The following SSBP2 variants were observed in gnomAD, a reference collection of about 807,000 sequenced individuals.
SSBP2 encodes single stranded DNA binding protein 2.
A neutral mutation model predicts 61.8 loss-of-function variants in SSBP2; 17 were observed. The ratio of observed to expected loss-of-function variants is 0.28; its 90% CI spans 0.19 to 0.41. The LOEUF (loss-of-function observed/expected upper bound fraction) is 0.41, where lower values mean the gene tolerates loss of function less well. SSBP2 is among the 10% of genes least tolerant of loss of function. The pLI is 1.00. For missense variants in SSBP2, 310 were observed against 458.7 expected, an observed-to-expected ratio of 0.68 and a Z score of 2.96; for synonymous variants, 139 against 141.3, an observed-to-expected ratio of 0.98 and a Z score of 0.12.
intron 4 of SSBP2, among the ~76,000 whole-genome samples, chr5:81,599,549 T>C (rs1038934299): frequency 3.9e-5 from 6 of 152,210 alleles, no homozygotes; most frequent in Non-Finnish European, 8.8e-5. Context: ...CTGATTGAGA[T>C]TGATTTTCCT....
chr5:81,649,791 A>G (rs558939355), intron 2 of SSBP2, among the ~76,000 whole-genome samples: 1 of 152,114 alleles, frequency 6.6e-6, no homozygotes, highest in Non-Finnish European at 1.5e-5. Flanking sequence ...ATTAAAAAAA[A>G]AAAGAAAGAA....
intron 16 of SSBP2, among the ~76,000 whole-genome samples, chr5:81,425,904 A>G (rs1185922191): frequency 1.3e-5 from 2 of 152,228 alleles, no homozygotes; most frequent in South Asian, 2.1e-4. Flanking sequence ...AGAGTACTCA[A>G]TAGATACTTG....
At chr5:81,486,965 A>T (rs966316408) in intron 6 of SSBP2, among the ~76,000 whole-genome samples, 2 of 152,234 alleles carry the variant, frequency 1.3e-5, no homozygotes, top group African/African-American at 4.8e-5. Flanking sequence ...CAGCAGATTG[A>T]GACACCTCAA....
intron 1 of SSBP2, among the ~76,000 whole-genome samples, chr5:81,683,322 G>A (rs1248609449): frequency 6.6e-6 from 1 of 152,066 alleles, no homozygotes; most frequent in Non-Finnish European, 1.5e-5. Context: ...CCCAGAAACA[G>A]ACCCACATAA....
chr5:81,714,267 A>G (rs962933383), intron 1 of SSBP2, among the ~76,000 whole-genome samples: 1 of 152,164 alleles, frequency 6.6e-6, no homozygotes. Flanking sequence ...ATAGTATTCC[A>G]TGGTGTATAT....
intron 4 of SSBP2, 185 bp downstream of exon 4, chr5:81,615,288 A>G (rs1434740769): frequency 1.0e-5 from 6 of 599,018 alleles, no homozygotes. Context: ...CCTAAGCTTT[A>G]ACAAGACTCA....
intron 3 of SSBP2, among the ~76,000 whole-genome samples, chr5:81,632,838 T>C (rs1045439971): frequency 3.3e-5 from 5 of 152,074 alleles, no homozygotes; most frequent in African/African-American, 4.8e-5. Context: ...TTTTAAAGAG[T>C]TGACTATATA....
chr5:81,694,815 A>G (rs1056642020), intron 1 of SSBP2, among the ~76,000 whole-genome samples: 13 of 152,258 alleles, frequency 8.5e-5, no homozygotes, highest in African/African-American at 3.1e-4. Flanking sequence ...CCTCTACAAA[A>G]AAAAATTTTT....
chr5:81,517,547 T>C (rs534553460), intron 4 of SSBP2, among the ~76,000 whole-genome samples: 3 of 152,146 alleles, frequency 2.0e-5, no homozygotes, highest in African/African-American at 4.8e-5. Context: ...AATGAACTTA[T>C]AGAGTTACCA....
chr5:81,432,997 T>A (rs1426560049), intron 15 of SSBP2, among the ~76,000 whole-genome samples: 6 of 114,136 alleles, frequency 5.3e-5, no homozygotes, highest in Non-Finnish European at 9.2e-5. Context: ...GGGGTCAGAC[T>A]CCCGCCCGGC....
At chr5:81,434,120 A>C (rs971953564) in intron 15 of SSBP2, among the ~76,000 whole-genome samples, 2 of 152,358 alleles carry the variant, frequency 1.3e-5, no homozygotes, top group Middle Eastern at 3.4e-3. Context: ...TGTAAGTACT[A>C]TAGTAGCATC....
At chr5:81,501,897 C>T (rs1318183388) in intron 5 of SSBP2, among the ~76,000 whole-genome samples, 2 of 151,934 alleles carry the variant, frequency 1.3e-5, no homozygotes, top group East Asian at 3.9e-4. Flanking sequence ...AAATGGTACC[C>T]GATTGCTTGG....
Position 81,591,258 on chromosome 5 carries a change from T to C in SSBP2, c.282+24215A>G, listed in dbSNP as rs147560502. Among the ~76,000 whole-genome samples, 1,016 of 152,322 alleles carry C rather than the reference T, an allele frequency of 6.7e-3. 13 individuals are homozygous for C. The highest frequency in any genetic ancestry group is 0.023 in the African/African-American group (951 of 41,566). On this transcript the variant is annotated intron_variant, in intron 4 of 16. Transcript: ENST00000320672. ...ACAAAACCCAAGCCCAGCTCAGCCC[T>C]TGACTAAATTTAACTGCTCTCCTCA... is the stretch of plus-strand genomic sequence containing the variant.
intron 1 of SSBP2, among the ~76,000 whole-genome samples, chr5:81,686,769 C>T (rs78750003): frequency 6.7e-6 from 1 of 150,216 alleles, no homozygotes; most frequent in African/African-American, 2.4e-5. Context: ...ACAGGAGAAT[C>T]GCTTGAACCC....
chr5:81,431,974 T>C (rs1444839883), intron 15 of SSBP2, among the ~76,000 whole-genome samples: 1 of 152,252 alleles, frequency 6.6e-6, no homozygotes, highest in African/African-American at 2.4e-5. Context: ...AAATTTTAAA[T>C]TTTTCCATTT....
intron 4 of SSBP2, among the ~76,000 whole-genome samples, chr5:81,568,579 T>C (rs1373379053): frequency 2.0e-5 from 3 of 152,244 alleles, no homozygotes; most frequent in Non-Finnish European, 4.4e-5. Flanking sequence ...CTCTGTCCCA[T>C]AGTTTACTCC....
At chr5:81,702,592 G>T (rs937114444) in intron 1 of SSBP2, among the ~76,000 whole-genome samples, 9 of 151,212 alleles carry the variant, frequency 6.0e-5, no homozygotes, top group Non-Finnish European at 1.3e-4. Context: ...ATTTTTTTTT[G>T]AAACTGAACT....
intron 5 of SSBP2, among the ~76,000 whole-genome samples, chr5:81,493,383 C>G (rs1282884697): frequency 2.0e-5 from 3 of 151,888 alleles, no homozygotes; most frequent in Non-Finnish European, 2.9e-5. Flanking sequence ...CTCCCAGGCT[C>G]AAGTAATCCT....
chr5:81,524,298 C>T (rs1339424361), intron 4 of SSBP2, among the ~76,000 whole-genome samples: 1 of 151,960 alleles, frequency 6.6e-6, no homozygotes, highest in Non-Finnish European at 1.5e-5. Context: ...CTTAAATAAG[C>T]TTGAAAGTGA....
Sources: gnomAD v4.1 joint callset for allele counts (sites outside exome capture counted in the v4.1 genomes callset) on GRCh38, gnomAD v4.1.1 for gene constraint, MANE v1.5 for transcripts, NCBI Gene and HGNC (gene_info 2026-07-23, HGNC 2026-07-21) for gene names.